The following TG variants were observed in gnomAD, a reference collection of about 807,000 sequenced individuals.
The protein encoded by TG is thyroglobulin.
TG carries 270 observed loss-of-function variants against 324.7 expected under a neutral mutation model. That is an observed-to-expected ratio of 0.83 (90% CI 0.75 to 0.92). The LOEUF is 0.92. Ranked by LOEUF, TG falls within the 40% of genes least tolerant of loss-of-function variation. The probability of loss-of-function intolerance (pLI) is 0.00; values close to 1 mark genes in which losing one functional copy is unlikely to be tolerated. For synonymous variants in TG, 1,401 were observed against 1,327.0 expected, an observed-to-expected ratio of 1.06 and a Z score of -1.21; for missense variants, 3,591 against 3,456.4, an observed-to-expected ratio of 1.04 and a Z score of -0.98.
chr8:133,020,535 C>G (rs1366617402), intron 39 of TG, among the ~76,000 whole-genome samples: 1 of 152,280 alleles, frequency 6.6e-6, no homozygotes, highest in East Asian at 1.9e-4. Flanking sequence ...GGCCCCTTCA[C>G]TGATCTGTCC....
chr8:133,031,670 G>C (rs1836653494), intron 41 of TG, among the ~76,000 whole-genome samples: 1 of 152,258 alleles, frequency 6.6e-6, no homozygotes, highest in Admixed American at 6.5e-5. Flanking sequence ...AAGTGTCATT[G>C]TTTGGGCGCA....
intron 41 of TG, among the ~76,000 whole-genome samples, chr8:133,069,494 T>G (rs535727154): frequency 4.2e-4 from 63 of 151,148 alleles, no homozygotes; most frequent in African/African-American, 1.5e-3. Context: ...ATTAATGTGC[T>G]CCTCCTTAGC....
intron 21 of TG, among the ~76,000 whole-genome samples, chr8:132,921,995 G>T (rs920175152): frequency 2.0e-5 from 3 of 152,162 alleles, no homozygotes; most frequent in Non-Finnish European, 2.9e-5. Flanking sequence ...CCAAATGAAG[G>T]CATTCCCTTT....
At chr8:133,133,924 G>A (rs918446398) in intron 47 of TG, among the ~76,000 whole-genome samples, 1 of 152,198 alleles carries the variant, frequency 6.6e-6, no homozygotes, top group African/African-American at 2.4e-5. Flanking sequence ...TCTATGGGGG[G>A]TAGAATGCTG....
chr8:133,098,463 G>A (rs1259235530), intron 43 of TG, among the ~76,000 whole-genome samples: 1 of 152,188 alleles, frequency 6.6e-6, no homozygotes, highest in African/African-American at 2.4e-5. Context: ...GATGGAGCTG[G>A]CCATTGACCA....
chr8:132,972,598 G>A lies in TG; in HGVS notation c.6056G>A (p.Gly2019Glu). 6.3e-7 allele frequency: 1 copy of A among 1,596,374 alleles called. No individual in the cohort carries two copies. Among genetic ancestry groups the A allele is most frequent in the Non-Finnish European group, 8.6e-7 (1 of 1,169,188 alleles). The change falls in exon 34 of 48, where the codon GGA (glycine) becomes GAA (glutamate). Residue 2019 changes from glycine to glutamate, a missense_variant and splice_region_variant. Gly to Glu is a moderately conservative substitution (Grantham distance 98, BLOSUM62 -2). Transcript: ENST00000220616. ...TTTGTTTTTTTTTTTTCCACCCCAG[G>A]AGGAGAGGTGACATGTCTCACTCTG... ...FGFLNVSQLK[G>E]GEVTCLTLNS...
chr8:132,989,648 A>G (rs771320724), intron 35 of TG, among the ~76,000 whole-genome samples: 12 of 152,210 alleles, frequency 7.9e-5, no homozygotes, highest in Non-Finnish European at 1.5e-4. Context: ...GAACCACACA[A>G]TGAAAAGGAA....
chr8:132,869,912 C>T (rs1285124199), intron 3 of TG, 86 bp downstream of exon 3: 1 of 1,188,148 alleles, frequency 8.4e-7, no homozygotes, highest in South Asian at 1.3e-5. Context: ...GGGTGGGTGA[C>T]TGAGCAGGTC....
intron 27 of TG, among the ~76,000 whole-genome samples, chr8:132,951,223 C>T (rs1826056477): frequency 6.6e-6 from 1 of 152,138 alleles, no homozygotes; most frequent in African/African-American, 2.4e-5. Flanking sequence ...TGGATTACCA[C>T]CATTGAGCTA....
At chr8:132,925,512 A>AGTGTGTGTGT (rs1262863949) in intron 22 of TG, among the ~76,000 whole-genome samples, 2 of 67,174 alleles carry the variant, frequency 3.0e-5, no homozygotes, top group East Asian at 3.5e-4. Flanking sequence ...AGTCCTAAGG[A>AGTGTGTGTGT]GTGCGTGTGT....
chr8:132,955,599 ATATGTACC>A (rs1408784842), intron 27 of TG, among the ~76,000 whole-genome samples: 26 of 152,216 alleles, frequency 1.7e-4, no homozygotes, highest in African/African-American at 6.3e-4. Context: ...TGACCAATAA[ATATGTACC>A]TATTTCCAGC....
chr8:133,057,023 C>T (rs1357382331), intron 41 of TG, among the ~76,000 whole-genome samples: 1 of 152,186 alleles, frequency 6.6e-6, no homozygotes, highest in African/African-American at 2.4e-5. Context: ...GCGAAGACCA[C>T]TTACTGAGAA....
chr8:133,019,634 C>A lies in TG; in HGVS notation c.6815C>A (p.Ser2272Tyr). 6.2e-7 allele frequency: 1 copy of A among 1,613,892 alleles called. No individual in the cohort carries two copies. Among genetic ancestry groups the A allele is most frequent in the Non-Finnish European group, 8.5e-7 (1 of 1,179,868 alleles). ...ASCWQPGTRT[S>Y]TSPGVSEDCL... ...TGCTGGCAGCCAGGCACCAGAACAT[C>A]CACGTCTCCTGGAGTCAGTGAAGAT... Residue 2272 changes from serine (S) to tyrosine (Y), a missense_variant, in exon 39 of 48, where the codon TCC becomes TAC. Physicochemically the swap from Ser to Tyr is moderately radical, Grantham distance 144. Coordinates refer to ENST00000220616, the MANE Select transcript of TG (RefSeq NM_003235.5).
At chr8:133,098,537 C>A (rs988011167) in intron 43 of TG, among the ~76,000 whole-genome samples, 1 of 152,206 alleles carries the variant, frequency 6.6e-6, no homozygotes, top group Non-Finnish European at 1.5e-5. Context: ...AATCTCTGTG[C>A]ACAAGACACC....
At chr8:132,981,722 G>A (rs1830876024) in intron 34 of TG, among the ~76,000 whole-genome samples, 1 of 152,222 alleles carries the variant, frequency 6.6e-6, no homozygotes, top group African/African-American at 2.4e-5. Context: ...CAGACACTCT[G>A]GGGTGGGACC....
chr8:132,911,653 G>A, intron 19 of TG, 120 bp downstream of exon 19: 1 of 820,736 alleles, frequency 1.2e-6, no homozygotes, highest in Non-Finnish European at 2.1e-6. Context: ...AAGACTATGG[G>A]GAGAGCTAAT....
intron 45 of TG, among the ~76,000 whole-genome samples, chr8:133,130,386 G>A (rs1851849224): frequency 6.6e-6 from 1 of 152,172 alleles, no homozygotes; most frequent in Non-Finnish European, 1.5e-5. Context: ...TGTGACTAAG[G>A]TTCAAGACCT....
At chr8:133,022,240 T>C (rs1835634977) in intron 40 of TG, 90 bp downstream of exon 40, 1 of 1,565,430 alleles carries the variant, frequency 6.4e-7, no homozygotes, top group Non-Finnish European at 8.8e-7. Flanking sequence ...CTGCCCCTGC[T>C]CCTCCTCCAG....
At chr8:133,113,727 C>A in intron 44 of TG, 124 bp downstream of exon 44, 1 of 1,127,514 alleles carries the variant, frequency 8.9e-7, no homozygotes, top group Non-Finnish European at 1.3e-6. Flanking sequence ...TCCTCTGCAT[C>A]ATTCATTCAG....
Sources: allele counts gnomAD v4.1 joint callset (sites outside exome capture counted in the v4.1 genomes callset), GRCh38; gene constraint gnomAD v4.1.1; transcripts MANE v1.5; gene names NCBI Gene and HGNC (gene_info 2026-07-23, HGNC 2026-07-21).